CCDC32: variants seen among roughly 807,000 people sequenced by gnomAD.
CCDC32 encodes the protein coiled-coil domain-containing protein 32.
A neutral mutation model predicts 20.1 loss-of-function variants in CCDC32; 9 were observed. That is an observed-to-expected ratio of 0.45 (90% confidence interval 0.27 to 0.78). The LOEUF (loss-of-function observed/expected upper bound fraction) is 0.78. Ranked by LOEUF, CCDC32 falls within the 30% of genes least tolerant of loss-of-function variation. The probability of loss-of-function intolerance (pLI) is 0.16; values close to 1 mark genes in which losing one functional copy is unlikely to be tolerated. For synonymous variants in CCDC32, 63 were observed against 79.0 expected (o/e 0.80, Z 1.07); for missense variants, 204 against 215.5 (o/e 0.95, Z 0.33).
chr15:40,557,575 G>T (rs1480773902), intron 2 of CCDC32: 3 of 484,922 alleles, frequency 6.2e-6, no homozygotes, highest in Non-Finnish European at 1.1e-5. Context: ...ACCCTGCATT[G>T]TATCAAATAA....
Position 40,553,359 on chromosome 15 carries a change from T to A in CCDC32, c.*612A>T. On this transcript the variant is annotated 3_prime_UTR_variant, in exon 4 of 4. Transcript: ENST00000416810. ...GACATAAACACCCACATTTTCACAC[T>A]TCTTTTGCCCATTTGTTCCACAAGG... 1.0e-6 allele frequency: 1 copy of A among 985,386 alleles called. No homozygotes were observed. Among genetic ancestry groups the A allele is most frequent in the Non-Finnish European group, 1.2e-6 (1 of 829,926 alleles). The allele number at this position is 985,386 out of a possible 1,614,324, so 61.0% of individuals were successfully genotyped here. A position where few individuals can be genotyped will look rare whatever the true frequency, so the allele number is the denominator to read the frequency against.
At position 40,553,835 on chromosome 15, in the gene CCDC32, C is replaced by T. The variant is rs904936665; in HGVS notation, c.*136G>A. 3 of 1,404,162 alleles carry T rather than the reference C, an allele frequency of 2.1e-6. No homozygotes were observed. The highest frequency in any genetic ancestry group is 2.8e-6 in the Non-Finnish European group (3 of 1,078,212). The allele number at this position is 1,404,162 out of a possible 1,614,324, so 87.0% of individuals were successfully genotyped here. A position where few individuals can be genotyped will look rare whatever the true frequency, so the allele number is the denominator to read the frequency against. ...GAGTGGAAATTTGGGTTTTTTCCTTCAGTGGATTTCTCCCTGCTGCTGTCA... is the reference window on the plus strand; with the variant it reads ...GAGTGGAAATTTGGGTTTTTTCCTTTAGTGGATTTCTCCCTGCTGCTGTCA... On this transcript the variant is annotated 3_prime_UTR_variant, in exon 4 of 4. Transcript: ENST00000416810.
At chr15:40,563,115 C>T (rs1890768395) in intron 1 of CCDC32, 88 bp from the exon 2 acceptor site, 3 of 1,451,592 alleles carry the variant, frequency 2.1e-6, no homozygotes, top group Non-Finnish European at 2.8e-6. Flanking sequence ...GTAATCCCAA[C>T]ACTTTGGGAA....
At chr15:40,551,535 T>C (rs1445949096), downstream of CCDC32, among the ~76,000 whole-genome samples, 1 of 151,914 alleles carries the variant, frequency 6.6e-6, no homozygotes, top group African/African-American at 2.4e-5. Context: ...AGAGAGCCAC[T>C]CTCTGTGTCA....
chr15:40,557,103 A>G, intron 3 of CCDC32, 113 bp downstream of exon 3: 1 of 1,289,036 alleles, frequency 7.8e-7, no homozygotes, highest in East Asian at 2.4e-5. Context: ...TAGCTGCAGT[A>G]TTTGCCTTTT....
At chr15:40,547,479 TG>T (rs1483587572) in intron 3 of CCDC32, among the ~76,000 whole-genome samples, 1 of 152,204 alleles carries the variant, frequency 6.6e-6, no homozygotes, top group East Asian at 1.9e-4. Flanking sequence ...GTGGTTCATC[TG>T]GGATTAGCCA....
Position 40,564,780 on chromosome 15 carries a change from T to A in CCDC32, c.-13+196A>T, listed in dbSNP as rs201048419. Reference sequence around the variant, plus strand: ...ACTTTGCTCACACCAGAGCCCCGCATGGCCCCTTACCCCAGGGCAGGGCGT... The same window carrying A: ...ACTTTGCTCACACCAGAGCCCCGCAAGGCCCCTTACCCCAGGGCAGGGCGT... On this transcript the variant is annotated intron_variant, in intron 1 of 3. Coordinates refer to ENST00000416810, the MANE Select transcript of CCDC32 (RefSeq NM_001080792.4). 6.6e-5 allele frequency: 107 copies of A among 1,614,192 alleles called. No homozygotes were observed. The African/African-American group carries it at 1.3e-3, about 20-fold the overall frequency.
chr15:40,549,273 C>A (rs968927912), downstream of CCDC32, among the ~76,000 whole-genome samples: 4 of 152,154 alleles, frequency 2.6e-5, no homozygotes, highest in Non-Finnish European at 4.4e-5. Context: ...AATTTCCACC[C>A]TCACCTCTCG....
At chr15:40,551,596 A>G (rs930289936), downstream of CCDC32, among the ~76,000 whole-genome samples, 2 of 151,880 alleles carry the variant, frequency 1.3e-5, no homozygotes, top group Admixed American at 1.3e-4. Context: ...TAAATCTACT[A>G]ATAAAGGTGT....
At chr15:40,543,361 A>G (rs1889481860) in intron 3 of CCDC32, among the ~76,000 whole-genome samples, 1 of 152,156 alleles carries the variant, frequency 6.6e-6, no homozygotes, top group African/African-American at 2.4e-5. Context: ...CTCGTGACCA[A>G]CCAAGGTATG....
chr15:40,558,890 G>T (rs1484920942), intron 2 of CCDC32, among the ~76,000 whole-genome samples: 3 of 146,986 alleles, frequency 2.0e-5, no homozygotes, highest in Non-Finnish European at 4.5e-5. Flanking sequence ...TGCAAGCTCC[G>T]CCTCCTGGGT....
chr15:40,532,712 T>G (rs1037961658), downstream of CCDC32, among the ~76,000 whole-genome samples: 4 of 126,622 alleles, frequency 3.2e-5, no homozygotes, highest in African/African-American at 5.9e-5. Flanking sequence ...TTTGTTTTCT[T>G]TCTTTTTTTT....
chr15:40,561,472 C>CAAA (rs1222248827), intron 2 of CCDC32, among the ~76,000 whole-genome samples: 2 of 97,656 alleles, frequency 2.0e-5, no homozygotes, highest in African/African-American at 7.0e-5. Context: ...GACTCCGTCT[C>CAAA]AAAAAAAAAA....
chr15:40,553,084 C>T (rs1298124432), downstream of CCDC32: 21 of 980,248 alleles, frequency 2.1e-5, no homozygotes, highest in East Asian at 2.4e-3. Flanking sequence ...GTCAACAGCA[C>T]CACAGACACT....
intron 3 of CCDC32, among the ~76,000 whole-genome samples, chr15:40,547,593 C>G (rs1427292673): frequency 2.0e-5 from 3 of 152,108 alleles, no homozygotes; most frequent in African/African-American, 7.2e-5. Context: ...GCTTCTAGTC[C>G]CAGGAGCAAT....
downstream of CCDC32, chr15:40,552,800 C>CAAAAAAAA (rs1889955088): frequency 2.7e-4 from 18 of 66,806 alleles, no homozygotes; most frequent in Non-Finnish European, 3.8e-4. Context: ...AAAAAAAAAG[C>CAAAAAAAA]AAATGTTCTC....
downstream of CCDC32, among the ~76,000 whole-genome samples, chr15:40,530,358 T>TG (rs1289103579): frequency 6.7e-6 from 1 of 149,842 alleles, no homozygotes; most frequent in African/African-American, 2.4e-5. Flanking sequence ...GTTTGGGTCA[T>TG]GGGAGCAGAT....
chr15:40,564,769 A>G (rs1890906021), intron 1 of CCDC32: 1 of 1,614,208 alleles, frequency 6.2e-7, no homozygotes, highest in Non-Finnish European at 8.5e-7. Context: ...TGCTCACACC[A>G]GAGCCCCGCA....
At chr15:40,541,653 A>G (rs1013346294) in intron 3 of CCDC32, among the ~76,000 whole-genome samples, 1 of 152,156 alleles carries the variant, frequency 6.6e-6, no homozygotes, top group Non-Finnish European at 1.5e-5. Flanking sequence ...GTCTCCTCAG[A>G]GTGATCCCAG....
Sources: allele counts gnomAD v4.1 joint callset (sites outside exome capture counted in the v4.1 genomes callset), GRCh38; gene constraint gnomAD v4.1.1; transcripts MANE v1.5; gene names NCBI Gene and HGNC (gene_info 2026-07-23, HGNC 2026-07-21).